UBR4: variants seen among roughly 807,000 people sequenced by gnomAD.
The protein encoded by UBR4 is ubiquitin protein ligase E3 component n-recognin 4, also known as E3 ubiquitin-protein ligase UBR4.
A neutral mutation model predicts 575.6 loss-of-function variants in UBR4; 124 were observed. The observed-to-expected ratio is 0.22, with a 90% CI of 0.19 to 0.25. The LOEUF is 0.25. Ranked by LOEUF, UBR4 falls within the 10% of genes least tolerant of loss-of-function variation. The pLI is 1.00. For missense variants in UBR4, 4,818 were observed against 6,478.8 expected (o/e 0.74, Z 8.80); for synonymous variants, 2,455 against 2,473.7 (o/e 0.99, Z 0.22).
rs2077034937 is a variant in UBR4, at chr1:19,086,546, T to C, written c.14687+133A>G. The C allele has an allele frequency of 1.5e-5, 20 of 1,335,176 alleles. No individual in the cohort carries two copies. In the South Asian group the frequency reaches 2.7e-4, roughly 18 times the overall value. The allele number at this position is 1,335,176 out of a possible 1,614,324, so 82.7% of individuals were successfully genotyped here. On this transcript the variant is annotated intron_variant, in intron 100 of 105. Coordinates refer to ENST00000375254, the MANE Select transcript of UBR4 (RefSeq NM_020765.3). ...TCAAATAACTGCTTGGGGACCTATA[T>C]GGTGTCAGGCAGAACACCCTACTCT...
At chr1:19,104,970 A>C in intron 85 of UBR4, 78 bp downstream of exon 85, 2 of 1,535,558 alleles carry the variant, frequency 1.3e-6, no homozygotes. Flanking sequence ...CAAACAAACA[A>C]AACACCATAG....
intron 99 of UBR4, 79 bp downstream of exon 99, chr1:19,087,737 G>T: frequency 8.7e-7 from 1 of 1,155,964 alleles, no homozygotes; most frequent in Non-Finnish European, 1.3e-6. Flanking sequence ...GAACAAAATG[G>T]CCTGGAGGAG....
chr1:19,079,181 G>T (rs1316826648), intron 103 of UBR4: 2 of 152,184 alleles, frequency 1.3e-5, no homozygotes, highest in East Asian at 3.8e-4. Context: ...AAAACTATAT[G>T]GGCCTCAAGT....
rs1408176762 is a variant in UBR4 at position 19,112,697 on chromosome 1, G to A, written c.11628C>T (p.Ala3876=). The A allele has an allele frequency of 6.2e-7, 1 of 1,614,270 alleles. No individual in the cohort carries two copies. The highest frequency in any genetic ancestry group is 1.1e-5 in the South Asian group (1 of 91,090). ...HTSSTKCYGC[A]SAVTEHCITL... is the part of the protein sequence containing the mutation. ...TGATACAATGTTCTGTGACAGCCGA[G>A]GCGCAGCCATAGCACTTGGTGGAGG... Residue 3876 remains alanine, a synonymous_variant, in exon 78 of 106, where the codon GCC becomes GCT. Transcript: ENST00000375254.
intron 81 of UBR4, among the ~76,000 whole-genome samples, chr1:19,107,449 GCTTTA>G (rs2079341327): frequency 6.6e-6 from 1 of 152,094 alleles, no homozygotes; most frequent in Non-Finnish European, 1.5e-5. Flanking sequence ...AGAGAGCTTT[GCTTTA>G]CATGGTTGTA....
At position 19,183,996 on chromosome 1, in the gene UBR4, C is replaced by G. The variant is rs1291902251; in HGVS notation, c.2098+20G>C. On this transcript the variant is annotated intron_variant, in intron 16 of 105. Coordinates refer to ENST00000375254, the MANE Select transcript of UBR4 (RefSeq NM_020765.3). ...TCCATGAGAAAAAAAATCCATCAGG[C>G]ACATATCTTGTCTACTGACCCTTGA... 2 of 1,614,046 alleles carry G rather than the reference C, an allele frequency of 1.2e-6. No individual in the cohort carries two copies. Among genetic ancestry groups the G allele is most frequent in the Admixed American group, 3.3e-5 (2 of 60,020 alleles).
In UBR4 at chr1:19,096,637, ATCT is replaced by A. The variant is rs762702699; in HGVS notation, c.13401_13403del (p.Glu4467del). ...CAGCCATTTTATACACTTCTTCTTC[ATCT>A]TCTTCTTCATCTAGGGGAGAAGGGA... On this transcript the variant is annotated inframe_deletion, in exon 92 of 106. Coordinates refer to ENST00000375254, the MANE Select transcript of UBR4 (RefSeq NM_020765.3). 1 of 1,613,428 alleles carries A rather than the reference ATCT, an allele frequency of 6.2e-7. No homozygotes were observed.
In UBR4 at chr1:19,081,455, G is replaced by T; in HGVS notation, c.15127C>A (p.Leu5043Ile). 1 of 1,614,038 alleles carries T rather than the reference G, an allele frequency of 6.2e-7. No homozygotes were observed. The highest frequency in any genetic ancestry group is 8.5e-7 in the Non-Finnish European group (1 of 1,180,026). Residue 5043 changes from leucine (L) to isoleucine (I), a missense_variant, in exon 103 of 106, where the codon CTT (leucine) becomes ATT (isoleucine). Leu to Ile is a conservative substitution (Grantham distance 5). Coordinates refer to ENST00000375254, the MANE Select transcript of UBR4 (RefSeq NM_020765.3). ...CACTGCTCAGGGGGCAGGATGTGAA[G>T]GGCCAAGACTGTGAAATAGTAGGGC... Reference protein sequence around the residue: ...DGPYYFTVLALHILPPEQWRA... With the variant: ...DGPYYFTVLAIHILPPEQWRA...
chr1:19,162,276 G>A, intron 35 of UBR4, 144 bp downstream of exon 35: 2 of 950,342 alleles, frequency 2.1e-6, no homozygotes, highest in Non-Finnish European at 3.1e-6. Context: ...TTGCTCTGAA[G>A]GCCTAGAAAA....
At chr1:19,094,543 C>T (rs952232015) in intron 94 of UBR4, among the ~76,000 whole-genome samples, 1 of 152,130 alleles carries the variant, frequency 6.6e-6, no homozygotes, top group African/African-American at 2.4e-5. Context: ...CACCAGTAAC[C>T]AACTATGTAC....
Position 19,141,649 on chromosome 1 carries a change from C to A in UBR4, c.8308G>T (p.Val2770Leu), listed in dbSNP as rs370423077. The change falls in exon 56 of 106, where the codon GTG becomes TTG. Residue 2770 changes from valine to leucine, a missense_variant and splice_region_variant. Transcript: ENST00000375254. ...TTCTCCTGCTGCCAGAGACTCACCA[C>A]CATCTCAAAATCTCCATGGTCCACC... ...SEVDHGDFEM[V>L]SESMVLETAE... 4 of 1,613,940 alleles carry A rather than the reference C, an allele frequency of 2.5e-6. No individual in the cohort carries two copies. The African/African-American group carries it at 4.0e-5, about 16-fold the overall frequency.
intron 1 of UBR4, among the ~76,000 whole-genome samples, chr1:19,202,823 A>C (rs2092809649): frequency 6.6e-6 from 1 of 152,218 alleles, no homozygotes; most frequent in African/African-American, 2.4e-5. Context: ...GTGGTGGCTC[A>C]TGCCTGCAAT....
chr1:19,076,484 C>T lies in UBR4; in HGVS notation c.15487+256G>A, dbSNP rs530113754. 2.0e-5 allele frequency among the ~76,000 whole-genome samples: 3 copies of T among 152,346 alleles called. No individual in the cohort carries two copies. The South Asian group carries it at 6.2e-4, about 32-fold the overall frequency. On this transcript the variant is annotated intron_variant, in intron 105 of 105. Coordinates refer to ENST00000375254, the MANE Select transcript of UBR4 (RefSeq NM_020765.3). Reference sequence around the variant, plus strand: ...AAGCTCCTGCCTCATATAGGGCTGCCTCGAGGGCTGAGATCACATACAGTG... The same window carrying T: ...AAGCTCCTGCCTCATATAGGGCTGCTTCGAGGGCTGAGATCACATACAGTG...
intron 52 of UBR4, 141 bp downstream of exon 52, chr1:19,146,685 T>A (rs368294843): frequency 2.7e-6 from 3 of 1,119,818 alleles, no homozygotes. Context: ...CAAAAGGCCC[T>A]ACAAGGTATA....
At chr1:19,081,897 T>C in intron 102 of UBR4, 1 of 620,622 alleles carries the variant, frequency 1.6e-6, no homozygotes, top group Non-Finnish European at 2.9e-6. Context: ...CTCCCCAACA[T>C]GGAACTGTGC....
intron 102 of UBR4, among the ~76,000 whole-genome samples, chr1:19,083,299 G>A (rs1225078878): frequency 1.3e-5 from 2 of 152,168 alleles, no homozygotes; most frequent in Non-Finnish European, 2.9e-5. Flanking sequence ...CTGTGGTCTC[G>A]AGGTCAGCCT....
rs575563211 is a variant in UBR4 at position 19,144,406 on chromosome 1, C to T, written c.8068-315G>A. 9.8e-5 allele frequency among the ~76,000 whole-genome samples: 15 copies of T among 152,334 alleles called. No homozygotes were observed. The South Asian group carries it at 2.9e-3, about 29-fold the overall frequency. ...ATCAGATGATCAAGCCCCCAGCGCA[C>T]GTCTTAGCTCTGTGCTAAAATCAGT... On this transcript the variant is annotated intron_variant, in intron 54 of 105. Transcript: ENST00000375254.
At chr1:19,190,164 C>G (rs1362661570) in intron 11 of UBR4, among the ~76,000 whole-genome samples, 1 of 150,766 alleles carries the variant, frequency 6.6e-6, no homozygotes, top group Non-Finnish European at 1.5e-5. Context: ...CATGGTGGTA[C>G]ACACCTGTAA....
rs377692171 is a variant in UBR4 at position 19,115,655 on chromosome 1, C to A, written c.10824-18G>T. 13 of 1,612,850 alleles carry A rather than the reference C, an allele frequency of 8.1e-6. No homozygotes were observed. In the African/African-American group the frequency reaches 1.5e-4, roughly 18 times the overall value. ...GAGCTGGCCTAGGAAAGACAGACAG[C>A]CTTGAGATTTTCTCATCTAACCCTC... On this transcript the variant is annotated intron_variant, in intron 73 of 105. Transcript: ENST00000375254.
Sources: allele counts gnomAD v4.1 joint callset (sites outside exome capture counted in the v4.1 genomes callset), GRCh38; gene constraint gnomAD v4.1.1; transcripts MANE v1.5; gene names NCBI Gene and HGNC (gene_info 2026-07-23, HGNC 2026-07-21).